ZNF195: variants seen among roughly 807,000 people sequenced by gnomAD.
ZNF195 encodes hypoxia-regulated factor-1.
In ZNF195, 11 loss-of-function variants were observed where a neutral mutation model predicts 19.5. That is an observed-to-expected ratio of 0.57 (90% CI 0.36 to 0.94). ZNF195 has a LOEUF of 0.94. ZNF195 is among the 40% of genes least tolerant of loss of function. The probability of loss-of-function intolerance (pLI) is 0.01; values close to 1 mark genes in which losing one functional copy is unlikely to be tolerated. For missense variants in ZNF195, 582 were observed against 709.0 expected, an observed-to-expected ratio of 0.82 and a Z score of 2.03; for synonymous variants, 214 against 248.1, an observed-to-expected ratio of 0.86 and a Z score of 1.29.
chr11:3,359,265 G>A lies in ZNF195; in HGVS notation c.1743C>T (p.Asp581=), dbSNP rs753716888. The change falls in exon 6 of 6, where the codon GAC becomes GAT. Residue 581 remains aspartate (D), a synonymous_variant. Transcript: ENST00000399602. This position sits in a 1 kb window ranked among gnomAD's most constrained non-coding sequence, Gnocchi z 5.5. ...THTGEKPYKC[D]ECGKNFTQSS... is the part of the protein sequence containing the mutation. ...ACTGGGTAAAGTTTTTTCCACATTC[G>A]TCACATTTGTAGGGTTTCTCTCCAG... The A allele has an allele frequency of 1.1e-5, 17 of 1,613,014 alleles. No homozygotes were observed. Among genetic ancestry groups the A allele is most frequent in the Admixed American group, 1.7e-5 (1 of 59,910 alleles).
rs923842987 is a variant in ZNF195 at position 3,358,529 on chromosome 11, T to A, written c.*589A>T. On this transcript the variant is annotated 3_prime_UTR_variant, in exon 6 of 6. Coordinates refer to ENST00000399602, the MANE Select transcript of ZNF195 (RefSeq NM_001130520.3). ...CAACAACTGACCATGTGTTTTCACATCAGCACTAGAAATGAAGACACAGCA... is the reference window on the plus strand; with the variant it reads ...CAACAACTGACCATGTGTTTTCACAACAGCACTAGAAATGAAGACACAGCA... 6.6e-6 allele frequency: 1 copy of A among 152,222 alleles called. No homozygotes were observed. The highest frequency in any genetic ancestry group is 1.5e-5 in the Non-Finnish European group (1 of 68,044). The allele number at this position is 152,222 out of a possible 1,614,324, so 9.4% of individuals were successfully genotyped here. A position where few individuals can be genotyped will look rare whatever the true frequency, so the allele number is the denominator to read the frequency against.
chr11:3,375,203 C>G (rs1043342027), intron 1 of ZNF195, among the ~76,000 whole-genome samples: 1 of 152,306 alleles, frequency 6.6e-6, no homozygotes, highest in South Asian at 2.1e-4. Context: ...GAGGGCCCTA[C>G]GCAGGATTCT....
intron 1 of ZNF195, among the ~76,000 whole-genome samples, chr11:3,376,902 T>C (rs534138519): frequency 1.3e-4 from 20 of 152,334 alleles, no homozygotes; most frequent in Admixed American, 1.3e-3. Context: ...TACCAAGTAA[T>C]CTACCATAAT....
rs368347265 is a variant in ZNF195, at chr11:3,359,610, G to A, written c.1398C>T (p.Tyr466=). ...AGACCTTCCCACATTCTTCACATTG[G>A]TAGGGTTTCTCTCCGGTGTGAATCC... ...HRRIHTGEKP[Y]QCEECGKVFR... Residue 466 remains tyrosine (Y), a synonymous_variant, in exon 6 of 6, where the codon TAC becomes TAT. Coordinates refer to ENST00000399602, the MANE Select transcript of ZNF195 (RefSeq NM_001130520.3). This position sits in a 1 kb window ranked among gnomAD's most constrained non-coding sequence, Gnocchi z 5.5. The A allele has an allele frequency of 2.8e-5, 45 of 1,614,054 alleles. No individual in the cohort carries two copies. The African/African-American group carries it at 5.1e-4, about 18-fold the overall frequency.
Position 3,371,131 on chromosome 11 carries a change from A to T in ZNF195, c.131-61T>A, listed in dbSNP as rs1477703336. 12 of 1,506,322 alleles carry T rather than the reference A, an allele frequency of 8.0e-6. No homozygotes were observed. In the East Asian group the frequency reaches 2.3e-4, roughly 28 times the overall value. 93.3% of individuals were successfully genotyped at this position (1,506,322 alleles called of 1,614,324 possible). A position where few individuals can be genotyped will look rare whatever the true frequency, so the allele number is the denominator to read the frequency against. On this transcript the variant is annotated intron_variant, in intron 2 of 5. Coordinates refer to ENST00000399602, the MANE Select transcript of ZNF195 (RefSeq NM_001130520.3). ...GAAATTCTCCAATTATCAACCTTGTACTGTGCTTAGTAGAGTGAACATTAT... is the reference window on the plus strand; with the variant it reads ...GAAATTCTCCAATTATCAACCTTGTTCTGTGCTTAGTAGAGTGAACATTAT...
chr11:3,368,250 T>G (rs1849003043), intron 3 of ZNF195, among the ~76,000 whole-genome samples: 1 of 152,116 alleles, frequency 6.6e-6, no homozygotes, highest in African/African-American at 2.4e-5. Context: ...GTGACATAGG[T>G]GGACCCTGGG....
At chr11:3,373,231 CCTT>C (rs1204583113) in intron 1 of ZNF195, among the ~76,000 whole-genome samples, 4 of 152,120 alleles carry the variant, frequency 2.6e-5, no homozygotes, top group African/African-American at 9.7e-5. Context: ...TGCACATTTC[CCTT>C]CTTTGCTGAT....
Position 3,379,128 on chromosome 11 carries a change from A to G in ZNF195, c.-88T>C, listed in dbSNP as rs955766640. 4.4e-5 allele frequency: 61 copies of G among 1,393,092 alleles called. No homozygotes were observed. Among genetic ancestry groups the G allele is most frequent in the Non-Finnish European group, 1.9e-5 (20 of 1,061,680 alleles). 86.3% of individuals were successfully genotyped at this position (1,393,092 alleles called of 1,614,324 possible). On this transcript the variant is annotated 5_prime_UTR_variant, in exon 1 of 6. Coordinates refer to ENST00000399602, the MANE Select transcript of ZNF195 (RefSeq NM_001130520.3). Reference sequence around the variant, plus strand: ...GACCTACGGCTAGCAGGGGACACAGAGCCGCGGGGACAGGAAGTGGAGCTC... The same window carrying G: ...GACCTACGGCTAGCAGGGGACACAGGGCCGCGGGGACAGGAAGTGGAGCTC...
In ZNF195 at chr11:3,358,577, G is replaced by T. The variant is rs559703660; in HGVS notation, c.*541C>A. Reference sequence around the variant, plus strand: ...GCATCTACTGATTTGAGAATAGAATGACATCAATATTCGCTTTTCAAAAAT... The same window carrying T: ...GCATCTACTGATTTGAGAATAGAATTACATCAATATTCGCTTTTCAAAAAT... On this transcript the variant is annotated 3_prime_UTR_variant, in exon 6 of 6. Coordinates refer to ENST00000399602, the MANE Select transcript of ZNF195 (RefSeq NM_001130520.3). 6.6e-6 allele frequency: 1 copy of T among 152,220 alleles called. No individual in the cohort carries two copies. Among genetic ancestry groups the T allele is most frequent in the Non-Finnish European group, 1.5e-5 (1 of 68,046 alleles). The allele number at this position is 152,220 out of a possible 1,614,324, so 9.4% of individuals were successfully genotyped here. A position where few individuals can be genotyped will look rare whatever the true frequency, so the allele number is the denominator to read the frequency against.
chr11:3,370,567 T>C (rs2133713454), intron 3 of ZNF195, among the ~76,000 whole-genome samples: 1 of 152,340 alleles, frequency 6.6e-6, no homozygotes, highest in East Asian at 1.9e-4. Flanking sequence ...CTGGGATTTC[T>C]GAACCAATCA....
chr11:3,361,680 A>G, intron 4 of ZNF195, 63 bp downstream of exon 4: 1 of 1,281,122 alleles, frequency 7.8e-7, no homozygotes, highest in Non-Finnish European at 1.0e-6. Context: ...TTCCAAAGTC[A>G]AAGGAGAAAA....
chr11:3,365,151 T>C (rs1848812341), intron 3 of ZNF195, among the ~76,000 whole-genome samples: 1 of 152,178 alleles, frequency 6.6e-6, no homozygotes, highest in African/African-American at 2.4e-5. Context: ...CCCAGATATA[T>C]AAAGCAAATA....
At chr11:3,367,029 C>T in intron 3 of ZNF195, 1 of 429,896 alleles carries the variant, frequency 2.3e-6, no homozygotes, top group South Asian at 1.6e-5. Context: ...GGCACCACTG[C>T]ACTACAGCCT....
chr11:3,364,494 T>C, intron 3 of ZNF195, among the ~76,000 whole-genome samples: 1 of 151,912 alleles, frequency 6.6e-6, no homozygotes, highest in East Asian at 1.9e-4. Flanking sequence ...TGCATAAATC[T>C]TTGCTACCAG....
intron 4 of ZNF195, among the ~76,000 whole-genome samples, chr11:3,361,183 A>C (rs1452681288): frequency 6.6e-6 from 1 of 152,228 alleles, no homozygotes; most frequent in Non-Finnish European, 1.5e-5. Context: ...ACAATTCCAC[A>C]CAAGACACAT....
At position 3,379,137 on chromosome 11, in the gene ZNF195, G is replaced by A. The variant is rs1849628064; in HGVS notation, c.-97C>T. On this transcript the variant is annotated 5_prime_UTR_variant, in exon 1 of 6. Transcript: ENST00000399602. Reference sequence around the variant, plus strand: ...CTAGCAGGGGACACAGAGCCGCGGGGACAGGAAGTGGAGCTCTGTCGGGAC... The same window carrying A: ...CTAGCAGGGGACACAGAGCCGCGGGAACAGGAAGTGGAGCTCTGTCGGGAC... The A allele has an allele frequency of 2.9e-6, 4 of 1,382,620 alleles. No homozygotes were observed. Among genetic ancestry groups the A allele is most frequent in the East Asian group, 5.6e-5 (2 of 35,530 alleles). The allele number at this position is 1,382,620 out of a possible 1,614,324, so 85.6% of individuals were successfully genotyped here. A position where few individuals can be genotyped will look rare whatever the true frequency, so the allele number is the denominator to read the frequency against.
At chr11:3,372,612 C>CCTGGCAAATATCTCCCAGGTT (rs1367722274) in intron 1 of ZNF195, among the ~76,000 whole-genome samples, 62 of 39,662 alleles carry the variant, frequency 1.6e-3, no homozygotes, top group Non-Finnish European at 3.0e-3. Context: ...TTTCCCAGGT[C>CCTGGCAAATATCTCCCAGGTT]CTGACAAATA....
At chr11:3,365,401 A>G (rs1848828623) in intron 3 of ZNF195, among the ~76,000 whole-genome samples, 1 of 152,254 alleles carries the variant, frequency 6.6e-6, no homozygotes, top group Non-Finnish European at 1.5e-5. Context: ...TTAAAGATGA[A>G]AGTCTCATGA....
chr11:3,364,541 C>T (rs1848775010), intron 3 of ZNF195, among the ~76,000 whole-genome samples: 1 of 148,830 alleles, frequency 6.7e-6, no homozygotes, highest in African/African-American at 2.4e-5. Context: ...ATTAACAGCA[C>T]ACTGGAGGGT....
Sources: gnomAD v4.1 joint callset for allele counts (sites outside exome capture counted in the v4.1 genomes callset) on GRCh38, gnomAD v4.1.1 for gene constraint, Gnocchi (gnomAD v3.1) non-coding constraint, MANE v1.5 for transcripts, NCBI Gene and HGNC (gene_info 2026-07-23, HGNC 2026-07-21) for gene names.